The following STXBP2 variants were observed in gnomAD, a reference collection of about 807,000 sequenced individuals.
The protein encoded by STXBP2 is syntaxin-binding protein 2.
In STXBP2, 47 loss-of-function variants were observed where a neutral mutation model predicts 72.2. The observed-to-expected ratio is 0.65, with a 90% confidence interval of 0.51 to 0.83. The LOEUF is 0.83. STXBP2 is among the 40% of genes least tolerant of loss of function. The pLI is 0.00. For missense variants in STXBP2, 702 were observed against 807.6 expected (o/e 0.87, Z 1.58); for synonymous variants, 367 against 338.7 (o/e 1.08, Z -0.92).
chr19:7,644,795 G>T, intron 14 of STXBP2, 43 bp downstream of exon 14: 1 of 1,612,862 alleles, frequency 6.2e-7, no homozygotes, highest in Non-Finnish European at 8.5e-7. Flanking sequence ...CCATTTGCCA[G>T]CGTCTCCCAC....
rs1452766744 is a variant in STXBP2, at chr19:7,642,402, C to T, written c.795-27C>T. 5 of 1,613,274 alleles carry T rather than the reference C, an allele frequency of 3.1e-6. No individual in the cohort carries two copies. Among genetic ancestry groups the T allele is most frequent in the East Asian group, 2.2e-5 (1 of 44,888 alleles). ...GTTCCCCAGTCCTCAGCTCCCCTGA[C>T]CCCCAGGCTCCCTCCTTCCTCCCCA... On this transcript the variant is annotated intron_variant, in intron 9 of 18. Transcript: ENST00000221283. This position sits in a 1 kb window ranked among gnomAD's most constrained non-coding sequence, Gnocchi z 6.0.
At chr19:7,637,099 G>GC, upstream of STXBP2, 1 of 1,235,752 alleles carries the variant, frequency 8.1e-7, no homozygotes, top group Non-Finnish European at 1.0e-6. Context: ...GCGGGGCCAC[G>GC]CCCCCACCTT....
intron 1 of STXBP2, among the ~76,000 whole-genome samples, chr19:7,638,451 A>G (rs560937048): frequency 1.6e-3 from 242 of 152,264 alleles, no homozygotes; most frequent in African/African-American, 5.7e-3. Context: ...AAATAAAAAT[A>G]AATTAGCTGT....
rs1186959069 is a variant in STXBP2, at chr19:7,647,262, C to T, written c.1538+15C>T. 1 of 1,610,374 alleles carries T rather than the reference C, an allele frequency of 6.2e-7. No individual in the cohort carries two copies. Among genetic ancestry groups the T allele is most frequent in the South Asian group, 1.1e-5 (1 of 90,988 alleles). On this transcript the variant is annotated intron_variant, in intron 17 of 18. Transcript: ENST00000221283. ...GCCGCTGTCAGGTGAGGCCCCGGGG[C>T]CGCCCCCGCCCACGCCTGGGTCTGT...
chr19:7,633,546 G>T, upstream of STXBP2: 1 of 1,290,888 alleles, frequency 7.7e-7, no homozygotes, highest in Non-Finnish European at 1.1e-6. Flanking sequence ...GTGGGGGTGT[G>T]GATTCCCCCC....
At chr19:7,639,248 T>A in intron 3 of STXBP2, 148 bp downstream of exon 3, 1 of 859,632 alleles carries the variant, frequency 1.2e-6, no homozygotes, top group South Asian at 1.4e-5. Flanking sequence ...ACAGCCCGGA[T>A]CATGTGACCA....
chr19:7,641,405 G>A (rs1204851443), intron 6 of STXBP2, among the ~76,000 whole-genome samples: 2 of 152,230 alleles, frequency 1.3e-5, no homozygotes, highest in East Asian at 1.9e-4. Context: ...AAAAAGGGGA[G>A]GTACCCACAG....
rs1002022555 is a variant in STXBP2 at position 7,646,609 on chromosome 19, C to T, written c.1452+265C>T. ...ATATCTCTCTAGTCTGTTCCCCTGT[C>T]CCGCAGGAGTGCCCCTGAGCCCCAG... On this transcript the variant is annotated intron_variant, in intron 16 of 18. Coordinates refer to ENST00000221283, the MANE Select transcript of STXBP2 (RefSeq NM_006949.4). 3.1e-5 allele frequency: 17 copies of T among 549,094 alleles called. 1 individual carries two copies. Among genetic ancestry groups the T allele is most frequent in the Middle Eastern group, 5.0e-4 (1 of 2,020 alleles). The allele number at this position is 549,094 out of a possible 1,614,324, so 34.0% of individuals were successfully genotyped here. A position where few individuals can be genotyped will look rare whatever the true frequency, so the allele number is the denominator to read the frequency against.
chr19:7,643,682 G>T (rs1050869338), intron 13 of STXBP2, among the ~76,000 whole-genome samples: 2 of 151,332 alleles, frequency 1.3e-5, no homozygotes, highest in Admixed American at 6.6e-5. Flanking sequence ...CCTTGGAGAG[G>T]TGGGCCCTGG....
chr19:7,645,852 G>C, intron 15 of STXBP2: 1 of 342,498 alleles, frequency 2.9e-6, no homozygotes, highest in South Asian at 4.4e-5. Flanking sequence ...CCTTCTCTCT[G>C]CCTTCCCCTT....
chr19:7,645,468 A>G lies in STXBP2; in HGVS notation c.1356+162A>G, dbSNP rs1170285372. ...GTGTTTCGGGTCTGGTCTGGGGCCC[A>G]GAGGACACTGGGGCCTCTCCCAGTC... On this transcript the variant is annotated intron_variant, in intron 15 of 18. Coordinates refer to ENST00000221283, the MANE Select transcript of STXBP2 (RefSeq NM_006949.4). The G allele has an allele frequency of 1.1e-5, 7 of 650,236 alleles. No homozygotes were observed. In the Admixed American group the frequency reaches 1.6e-4, roughly 15 times the overall value. The allele number at this position is 650,236 out of a possible 1,614,324, so 40.3% of individuals were successfully genotyped here.
rs1456510722 is a variant in STXBP2 at position 7,642,006 on chromosome 19, T to C, written c.579-28T>C. 1 of 1,613,248 alleles carries C rather than the reference T, an allele frequency of 6.2e-7. No individual in the cohort carries two copies. Among genetic ancestry groups the C allele is most frequent in the African/African-American group, 1.3e-5 (1 of 74,908 alleles). ...CATCCTTGACCCCATCCCCTGATGATGTCCCCCGTGTCTGACCTCCCCGCC... is the reference window on the plus strand; with the variant it reads ...CATCCTTGACCCCATCCCCTGATGACGTCCCCCGTGTCTGACCTCCCCGCC... On this transcript the variant is annotated intron_variant, in intron 7 of 18. Transcript: ENST00000221283. This position sits in a 1 kb window ranked among gnomAD's most constrained non-coding sequence, Gnocchi z 6.0.
upstream of STXBP2, among the ~76,000 whole-genome samples, chr19:7,634,047 T>A (rs2031440979): frequency 6.6e-6 from 1 of 152,090 alleles, no homozygotes; most frequent in Non-Finnish European, 1.5e-5. Flanking sequence ...CAACTCACTG[T>A]CCCTGGAGCC....
chr19:7,645,827 ATC>A (rs977000309), intron 15 of STXBP2: 62 of 274,464 alleles, frequency 2.3e-4, no homozygotes, highest in South Asian at 4.9e-4. Context: ...GTTTCTCCAT[ATC>A]TCTCTCTCTC....
chr19:7,629,904 T>G, the STXBP2 span: 1 of 1,490,876 alleles, frequency 6.7e-7, no homozygotes, highest in African/African-American at 1.4e-5. Context: ...GCAGGGGATC[T>G]TCCTGGATCT....
At chr19:7,647,584 G>T in intron 18 of STXBP2, 73 bp downstream of exon 18, 1 of 1,585,496 alleles carries the variant, frequency 6.3e-7, no homozygotes. Context: ...CCTTCTAGGT[G>T]TCTGGACTCC....
chr19:7,640,425 C>A, intron 4 of STXBP2: 1 of 564,568 alleles, frequency 1.8e-6, no homozygotes, highest in Non-Finnish European at 3.2e-6. Context: ...TGTGTGCGCG[C>A]GCATCTGTGT....
In STXBP2 at chr19:7,642,952, A is replaced by G. The variant is rs530046511; in HGVS notation, c.961-31A>G. 3.7e-6 allele frequency: 6 copies of G among 1,613,820 alleles called. No individual in the cohort carries two copies. In the East Asian group the frequency reaches 1.3e-4, roughly 36 times the overall value. On this transcript the variant is annotated intron_variant, in intron 11 of 18. Coordinates refer to ENST00000221283, the MANE Select transcript of STXBP2 (RefSeq NM_006949.4). The surrounding 1 kb of genome is among the most constrained non-coding windows in gnomAD (Gnocchi z 6.0). ...TGGGCACTGCCTGGCTTCGCCCCCC[A>G]ATCCCTACCCTCTTCCCCCTACTTC...
intron 6 of STXBP2, 70 bp from the exon 7 acceptor site, chr19:7,641,635 G>A (rs1019821734): frequency 9.1e-6 from 14 of 1,545,738 alleles, no homozygotes; most frequent in South Asian, 6.0e-5. Flanking sequence ...TGCAGGTGGC[G>A]GCAGCGGGAA....
Sources: gnomAD v4.1 joint callset for allele counts (sites outside exome capture counted in the v4.1 genomes callset) on GRCh38, gnomAD v4.1.1 for gene constraint, Gnocchi (gnomAD v3.1) non-coding constraint, MANE v1.5 for transcripts, NCBI Gene and HGNC (gene_info 2026-07-23, HGNC 2026-07-21) for gene names.